PTPN13: variants seen among roughly 807,000 people sequenced by gnomAD.
The protein encoded by PTPN13 is protein tyrosine phosphatase non-receptor type 13.
Under a neutral mutation model 284.0 loss-of-function variants are expected in PTPN13, and 191 were observed. That is an observed-to-expected ratio of 0.67 (90% CI 0.60 to 0.76). PTPN13 has a LOEUF of 0.76. PTPN13 is among the 30% of genes least tolerant of loss of function. PTPN13 has a pLI of 0.00. For synonymous variants in PTPN13, 986 were observed against 1,022.3 expected (o/e 0.96, Z 0.68); for missense variants, 2,797 against 2,939.9 (o/e 0.95, Z 1.12).
chr4:86,752,948 C>T, intron 19 of PTPN13, 61 bp from the exon 20 acceptor site: 1 of 1,228,114 alleles, frequency 8.1e-7, no homozygotes, highest in East Asian at 2.4e-5. Context: ...CAGAAGAAAT[C>T]ACTTCGATAT....
intron 3 of PTPN13, among the ~76,000 whole-genome samples, chr4:86,676,307 G>T (rs1054306873): frequency 3.3e-5 from 5 of 152,088 alleles, no homozygotes; most frequent in African/African-American, 1.2e-4. Context: ...GGGCTTGTAG[G>T]GATACTATCT....
chr4:86,729,571 C>T (rs569690906), intron 10 of PTPN13, among the ~76,000 whole-genome samples: 6 of 149,446 alleles, frequency 4.0e-5, no homozygotes, highest in South Asian at 2.1e-4. Context: ...CTTGTCTTCT[C>T]GCTTTATTTC....
Position 86,784,568 on chromosome 4 carries a change from C to A in PTPN13, c.6118+10C>A. Reference sequence around the variant, plus strand: ...TTGACTCTGCCCAAAGGTAGTTTTCCAAATCAGTCATCTAATTACTCTAAA... The same window carrying A: ...TTGACTCTGCCCAAAGGTAGTTTTCAAAATCAGTCATCTAATTACTCTAAA... On this transcript the variant is annotated intron_variant, in intron 38 of 47. Coordinates refer to ENST00000411767, the MANE Select transcript of PTPN13 (RefSeq NM_080683.3). 6.4e-7 allele frequency: 1 copy of A among 1,562,130 alleles called. No individual in the cohort carries two copies. Among genetic ancestry groups the A allele is most frequent in the Non-Finnish European group, 8.8e-7 (1 of 1,141,402 alleles).
intron 2 of PTPN13, among the ~76,000 whole-genome samples, chr4:86,669,796 G>C (rs1400414143): frequency 1.3e-5 from 2 of 152,134 alleles, no homozygotes; most frequent in Non-Finnish European, 2.9e-5. Context: ...CTCTGTGTTA[G>C]CTGTGATCCG....
chr4:86,700,213 TAAC>T (rs1302704532), intron 6 of PTPN13, among the ~76,000 whole-genome samples: 2 of 152,164 alleles, frequency 1.3e-5, no homozygotes, highest in Non-Finnish European at 2.9e-5. Flanking sequence ...TTAAATAAAT[TAAC>T]AAGCAATTTA....
chr4:86,794,944 C>T (rs1431758812), intron 40 of PTPN13, among the ~76,000 whole-genome samples: 2 of 152,074 alleles, frequency 1.3e-5, no homozygotes, highest in Non-Finnish European at 2.9e-5. Flanking sequence ...CCATAAAAAC[C>T]GTAGAAGAAA....
At chr4:86,811,681 TAG>T (rs1745230531) in intron 47 of PTPN13, among the ~76,000 whole-genome samples, 1 of 152,228 alleles carries the variant, frequency 6.6e-6, no homozygotes, top group African/African-American at 2.4e-5. Context: ...GTGCCGTATT[TAG>T]AGTGTCTGTC....
At chr4:86,646,886 AAGG>A (rs1298980283) in intron 2 of PTPN13, among the ~76,000 whole-genome samples, 1 of 152,220 alleles carries the variant, frequency 6.6e-6, no homozygotes, top group Non-Finnish European at 1.5e-5. Flanking sequence ...CATCAATAAA[AAGG>A]AGTGAACTAT....
At chr4:86,595,669 T>A in intron 1 of PTPN13, 1 of 815,216 alleles carries the variant, frequency 1.2e-6, no homozygotes, top group Non-Finnish European at 1.5e-6. Context: ...ACGCGGTGAC[T>A]TCATAGGGAG....
rs1390444599 is a variant in PTPN13 at position 86,701,353 on chromosome 4, A to G, written c.747A>G (p.Thr249=). Residue 249 remains threonine (T), a synonymous_variant, in exon 7 of 48, where the codon ACA becomes ACG. Transcript: ENST00000411767. ...TGGGATTTCTGTCCATCAAAGATACACAAGATGAGAATTATTTCAAGGACA... is the reference window on the plus strand; with the variant it reads ...TGGGATTTCTGTCCATCAAAGATACGCAAGATGAGAATTATTTCAAGGACA... ...KSMGFLSIKD[T]QDENYFKDIL... 6.2e-7 allele frequency: 1 copy of G among 1,612,794 alleles called. No homozygotes were observed. The highest frequency in any genetic ancestry group is 8.5e-7 in the Non-Finnish European group (1 of 1,179,030).
intron 2 of PTPN13, among the ~76,000 whole-genome samples, chr4:86,636,948 A>G (rs1723091840): frequency 6.6e-6 from 1 of 151,256 alleles, no homozygotes; most frequent in African/African-American, 2.4e-5. Flanking sequence ...TAATAAAGAA[A>G]AAAAGAGAGA....
chr4:86,722,335 A>G lies in PTPN13; in HGVS notation c.1509A>G (p.Leu503=), dbSNP rs372125343. ...KMALRQSRLS[L]YPGDTIKASM... ...CCCTTAGACAGTCTCGGTTGAGCCT[A>G]TATCCAGGAGACACAATCAAAGCGT... Residue 503 remains leucine, a synonymous_variant, in exon 10 of 48, where the codon CTA becomes CTG. Coordinates refer to ENST00000411767, the MANE Select transcript of PTPN13 (RefSeq NM_080683.3). 1.2e-6 allele frequency: 2 copies of G among 1,613,844 alleles called. No homozygotes were observed. The highest frequency in any genetic ancestry group is 1.7e-5 in the Admixed American group (1 of 60,016).
chr4:86,597,963 G>A (rs1362182844), intron 1 of PTPN13, among the ~76,000 whole-genome samples: 1 of 151,962 alleles, frequency 6.6e-6, no homozygotes, highest in African/African-American at 2.4e-5. Context: ...GTTTTGTTTT[G>A]ATTTGTTTTC....
In PTPN13 at chr4:86,595,044, C is replaced by T. The variant is rs545078298; in HGVS notation, c.-6+255C>T. Among the ~76,000 whole-genome samples, 4 of 152,234 alleles carry T rather than the reference C, an allele frequency of 2.6e-5. No individual in the cohort carries two copies. The South Asian group carries it at 8.3e-4, about 32-fold the overall frequency. The stretch of plus-strand genomic sequence containing the variant: ...TGCTAATTAGGTAGATCCATCTCCT[C>T]TGCGGAAGAAAGCCGGATTCTCGGG... On this transcript the variant is annotated intron_variant, in intron 1 of 47. Transcript: ENST00000411767.
rs190272285 is a variant in PTPN13 at position 86,762,375 on chromosome 4, A to G, written c.3554-352A>G. Among the ~76,000 whole-genome samples, 151 of 152,274 alleles carry G rather than the reference A, an allele frequency of 9.9e-4. 1 individual carries two copies. The highest frequency in any genetic ancestry group is 3.4e-3 in the African/African-American group (142 of 41,514). Reference sequence around the variant, plus strand: ...CCAAAAAGTGCAATCTAGTAGGTCAATATAAAGTAAGTGTGCAAATAACTA... The same window carrying G: ...CCAAAAAGTGCAATCTAGTAGGTCAGTATAAAGTAAGTGTGCAAATAACTA... On this transcript the variant is annotated intron_variant, in intron 23 of 47. Transcript: ENST00000411767.
At chr4:86,802,101 C>T (rs1394327539) in intron 42 of PTPN13, among the ~76,000 whole-genome samples, 2 of 151,206 alleles carry the variant, frequency 1.3e-5, no homozygotes, top group African/African-American at 2.4e-5. Flanking sequence ...TTCATCTTTT[C>T]CCATTATTTA....
Position 86,758,725 on chromosome 4 carries a change from A to G in PTPN13, c.3361A>G (p.Ile1121Val). 4 of 1,613,810 alleles carry G rather than the reference A, an allele frequency of 2.5e-6. No individual in the cohort carries two copies. Among genetic ancestry groups the G allele is most frequent in the Non-Finnish European group, 3.4e-6 (4 of 1,179,768 alleles). Reference protein sequence around the residue: ...GEKMGRLDLGIFISSVAPGGP... With the variant: ...GEKMGRLDLGVFISSVAPGGP... ...GAAGATGGGAAGACTGGACCTAGGC[A>G]TATTTATCAGTTCAGTTGCCCCTGG... The change falls in exon 22 of 48, where the codon ATA becomes GTA. Residue 1121 changes from isoleucine (I) to valine (V), a missense_variant. Physicochemically the swap from Ile to Val is conservative, Grantham distance 29. Transcript: ENST00000411767.
At chr4:86,621,439 A>G (rs954522096) in intron 1 of PTPN13, among the ~76,000 whole-genome samples, 4 of 152,186 alleles carry the variant, frequency 2.6e-5, no homozygotes, top group Admixed American at 6.5e-5. Context: ...TGTGTCCACA[A>G]TCTCTCATCT....
At chr4:86,771,148 C>A in intron 30 of PTPN13, 23 bp from the exon 31 acceptor site, 1 of 1,536,556 alleles carries the variant, frequency 6.5e-7, no homozygotes, top group South Asian at 1.3e-5. Flanking sequence ...GGTCACAAAT[C>A]TCTTTAAATG....
Sources: gnomAD v4.1 joint callset for allele counts (sites outside exome capture counted in the v4.1 genomes callset) on GRCh38, gnomAD v4.1.1 for gene constraint, MANE v1.5 for transcripts, NCBI Gene and HGNC (gene_info 2026-07-23, HGNC 2026-07-21) for gene names.